CMSS1: variants seen among roughly 807,000 people sequenced by gnomAD.
CMSS1 encodes the protein protein CMSS1.
In CMSS1, 33 loss-of-function variants were observed where a neutral mutation model predicts 43.5. That is an observed-to-expected ratio of 0.76 (90% confidence interval 0.57 to 1.01). The LOEUF is 1.01. Ranked by LOEUF, CMSS1 falls within the 50% of genes least tolerant of loss-of-function variation. CMSS1 has a pLI of 0.00. For missense variants in CMSS1, 313 were observed against 326.4 expected, an observed-to-expected ratio of 0.96 and a Z score of 0.32; for synonymous variants, 115 against 117.2, an observed-to-expected ratio of 0.98 and a Z score of 0.12.
rs752468062 is a variant in CMSS1, at chr3:100,146,960, TTA to T, written c.65-9_65-8del. The T allele has an allele frequency of 4.8e-5, 78 of 1,612,184 alleles. 2 individuals are homozygous for T. In the South Asian group the frequency reaches 7.7e-4, roughly 16 times the overall value. On this transcript the variant is annotated splice_polypyrimidine_tract_variant and intron_variant, in intron 1 of 9. Coordinates refer to ENST00000421999, the MANE Select transcript of CMSS1 (RefSeq NM_032359.4). Reference sequence around the variant, plus strand: ...GAGAGACTTTTCTGATTTTCAAACTTTATATTTTCTAGAAGCATCAGATGGTG... The same window carrying T: ...GAGAGACTTTTCTGATTTTCAAACTTTATTTTCTAGAAGCATCAGATGGTG...
intron 1 of CMSS1, among the ~76,000 whole-genome samples, chr3:99,983,389 A>ATATATATAT (rs1559713312): frequency 4.2e-4 from 17 of 40,798 alleles, no homozygotes; most frequent in African/African-American, 1.4e-3. Context: ...TAAATAAATA[A>ATATATATAT]ATATATATAT....
intron 1 of CMSS1, among the ~76,000 whole-genome samples, chr3:100,045,634 G>C (rs988347836): frequency 3.3e-5 from 5 of 152,052 alleles, no homozygotes; most frequent in Admixed American, 2.6e-4. Context: ...TCTTCATCTT[G>C]GTGGGTTCTC....
At chr3:100,172,114 C>T in intron 7 of CMSS1, 2 of 636,298 alleles carry the variant, frequency 3.1e-6, no homozygotes, top group Non-Finnish European at 5.5e-6. Flanking sequence ...CTGTATAGAA[C>T]CTGAGGCTTG....
At chr3:100,037,740 C>T (rs1048153644) in intron 1 of CMSS1, among the ~76,000 whole-genome samples, 6 of 152,122 alleles carry the variant, frequency 3.9e-5, no homozygotes, top group African/African-American at 1.4e-4. Flanking sequence ...TTGGGAAGCT[C>T]ATTGCATAAA....
At chr3:100,041,804 C>T (rs920268330) in intron 1 of CMSS1, among the ~76,000 whole-genome samples, 4 of 152,132 alleles carry the variant, frequency 2.6e-5, no homozygotes, top group African/African-American at 9.7e-5. Context: ...GAAAGGATAA[C>T]TCATGTTGTG....
chr3:100,082,498 C>T (rs750707541), intron 1 of CMSS1, among the ~76,000 whole-genome samples: 7 of 152,096 alleles, frequency 4.6e-5, no homozygotes, highest in Admixed American at 6.6e-5. Flanking sequence ...AGAAATTATT[C>T]GTTTCCAGGA....
chr3:100,170,319 A>C (rs2067099421), intron 6 of CMSS1, among the ~76,000 whole-genome samples: 1 of 152,248 alleles, frequency 6.6e-6, no homozygotes. Context: ...TCAAATATAG[A>C]TGATATATAG....
At chr3:99,850,952 C>G in intron 1 of CMSS1, 1 of 1,614,190 alleles carries the variant, frequency 6.2e-7, no homozygotes, top group Non-Finnish European at 8.5e-7. Context: ...TCATCCACCA[C>G]CATCAAAGCA....
intron 1 of CMSS1, among the ~76,000 whole-genome samples, chr3:99,852,881 A>T (rs1053306447): frequency 6.6e-6 from 1 of 152,250 alleles, no homozygotes; most frequent in Admixed American, 6.5e-5. Context: ...AAATAATTGT[A>T]TAAGAATTCT....
chr3:99,990,956 A>T (rs1709492630), intron 1 of CMSS1, among the ~76,000 whole-genome samples: 1 of 152,168 alleles, frequency 6.6e-6, no homozygotes, highest in Non-Finnish European at 1.5e-5. Context: ...TTTGGTTGGA[A>T]ATAAAAGTCT....
chr3:100,081,809 C>G (rs1468482336), intron 1 of CMSS1, among the ~76,000 whole-genome samples: 1 of 152,082 alleles, frequency 6.6e-6, no homozygotes, highest in Admixed American at 6.6e-5. Flanking sequence ...TGTTCTGGGT[C>G]TTAGTTGCAG....
chr3:100,137,403 T>G (rs530123323), intron 1 of CMSS1, among the ~76,000 whole-genome samples: 1 of 152,264 alleles, frequency 6.6e-6, no homozygotes, highest in Non-Finnish European at 1.5e-5. Flanking sequence ...TCATAACAAT[T>G]CTAAACTTGC....
At chr3:100,122,975 C>G (rs767989928) in intron 1 of CMSS1, among the ~76,000 whole-genome samples, 157 of 152,266 alleles carry the variant, frequency 1.0e-3, no homozygotes, top group African/African-American at 3.5e-3. Flanking sequence ...TATTACATGT[C>G]CACTATGTCC....
At chr3:100,130,935 G>T (rs1219383458) in intron 1 of CMSS1, among the ~76,000 whole-genome samples, 1 of 152,146 alleles carries the variant, frequency 6.6e-6, no homozygotes, top group African/African-American at 2.4e-5. Context: ...TGAAGTGATG[G>T]GTTGGGAACC....
chr3:99,833,009 T>C, intron 1 of CMSS1: 1 of 526,766 alleles, frequency 1.9e-6, no homozygotes, highest in East Asian at 3.3e-5. Flanking sequence ...TTGGAATGCA[T>C]ATTGCAAGAG....
At chr3:99,989,828 A>G (rs890425954) in intron 1 of CMSS1, among the ~76,000 whole-genome samples, 3 of 152,102 alleles carry the variant, frequency 2.0e-5, no homozygotes, top group Non-Finnish European at 4.4e-5. Context: ...ATTTTTACTT[A>G]CTCAGATCAG....
At chr3:99,925,760 G>T in intron 1 of CMSS1, 1 of 642,866 alleles carries the variant, frequency 1.6e-6, no homozygotes, top group Non-Finnish European at 1.9e-6. Context: ...CTTGGTGGAA[G>T]TGGAGGTGAC....
chr3:99,917,575 G>T (rs1319415057), intron 1 of CMSS1, among the ~76,000 whole-genome samples: 3 of 152,110 alleles, frequency 2.0e-5, no homozygotes, highest in Non-Finnish European at 4.4e-5. Flanking sequence ...GGTCTAGATT[G>T]CTAGGTCTTT....
intron 1 of CMSS1, chr3:99,930,785 A>T (rs1707453150): frequency 1.2e-6 from 2 of 1,613,296 alleles, no homozygotes; most frequent in Non-Finnish European, 8.5e-7. Flanking sequence ...TTCTCCCTCC[A>T]GAATGCTGAG....
Sources: gnomAD v4.1 joint callset for allele counts (sites outside exome capture counted in the v4.1 genomes callset) on GRCh38, gnomAD v4.1.1 for gene constraint, MANE v1.5 for transcripts, NCBI Gene and HGNC (gene_info 2026-07-23, HGNC 2026-07-21) for gene names.